DCC: variants seen among roughly 807,000 people sequenced by gnomAD.
DCC encodes netrin receptor DCC.
Under a neutral mutation model 172.5 loss-of-function variants are expected in DCC, and 58 were observed. That is an observed-to-expected ratio of 0.34 (90% confidence interval 0.27 to 0.42). The LOEUF (loss-of-function observed/expected upper bound fraction) is 0.42, where lower values mean the gene tolerates loss of function less well. DCC is among the 10% of genes least tolerant of loss of function. The probability of loss-of-function intolerance (pLI) is 1.00; values close to 1 mark genes in which losing one functional copy is unlikely to be tolerated. For missense variants in DCC, 1,740 were observed against 1,791.0 expected (o/e 0.97, Z 0.51); for synonymous variants, 709 against 644.5 (o/e 1.10, Z -1.52).
chr18:53,517,206 C>CCAAA (rs2046344647), intron 27 of DCC, among the ~76,000 whole-genome samples: 1 of 147,308 alleles, frequency 6.8e-6, no homozygotes, highest in Non-Finnish European at 1.5e-5. Context: ...GAACAAAAAA[C>CCAAA]CAAACACCGC....
intron 5 of DCC, among the ~76,000 whole-genome samples, chr18:53,012,660 T>C (rs953291506): frequency 2.7e-4 from 41 of 152,202 alleles, no homozygotes; most frequent in African/African-American, 9.4e-4. Flanking sequence ...ATTTATAGAT[T>C]TTGCCAAATG....
chr18:53,360,450 A>G (rs2057933696), intron 15 of DCC, among the ~76,000 whole-genome samples: 1 of 152,148 alleles, frequency 6.6e-6, no homozygotes, highest in Admixed American at 6.6e-5. Flanking sequence ...TTTTAATCAT[A>G]CTTAGAAATA....
At chr18:53,434,292 A>T (rs1911806083) in intron 21 of DCC, among the ~76,000 whole-genome samples, 1 of 152,188 alleles carries the variant, frequency 6.6e-6, no homozygotes, top group African/African-American at 2.4e-5. Context: ...TTGTTTGCAT[A>T]CAGATTCACC....
chr18:53,063,827 T>C (rs1357590918), intron 6 of DCC, among the ~76,000 whole-genome samples: 1 of 152,180 alleles, frequency 6.6e-6, no homozygotes, highest in Non-Finnish European at 1.5e-5. Flanking sequence ...TTCTTTGACT[T>C]TTACCCATTT....
At chr18:53,373,211 A>G (rs960750543) in intron 15 of DCC, among the ~76,000 whole-genome samples, 3 of 152,184 alleles carry the variant, frequency 2.0e-5, no homozygotes, top group African/African-American at 7.2e-5. Flanking sequence ...TCTGGGACCC[A>G]TAAGTCTTTT....
At chr18:52,977,901 GAAAAAA>G (rs2041148426) in intron 5 of DCC, among the ~76,000 whole-genome samples, 1 of 139,954 alleles carries the variant, frequency 7.1e-6, no homozygotes, top group African/African-American at 2.6e-5. Context: ...AAAAAGAAAA[GAAAAAA>G]GAAAAAGAAA....
At chr18:52,799,219 G>A (rs1484111086) in intron 2 of DCC, among the ~76,000 whole-genome samples, 1 of 152,150 alleles carries the variant, frequency 6.6e-6, no homozygotes, top group Non-Finnish European at 1.5e-5. Flanking sequence ...TACACATTCA[G>A]CGGAGCTAAC....
intron 21 of DCC, among the ~76,000 whole-genome samples, chr18:53,418,554 A>G (rs1910453967): frequency 6.6e-6 from 1 of 152,142 alleles, no homozygotes; most frequent in African/African-American, 2.4e-5. Flanking sequence ...CTGAGAGAAA[A>G]TTCCCTCAGA....
In DCC at chr18:53,391,746, T is replaced by C. The variant is rs894961381; in HGVS notation, c.2547T>C (p.Gly849=). The C allele has an allele frequency of 2.5e-6, 4 of 1,613,944 alleles. No homozygotes were observed. The highest frequency in any genetic ancestry group is 1.7e-5 in the Admixed American group (1 of 59,994). Residue 849 remains glycine (G), a synonymous_variant, in exon 17 of 29, where the codon GGT becomes GGC. Transcript: ENST00000442544. ...CCACCCCCATGCTCCCACCAGTAGGTGTACAGGCTGTGGCTCTTACCCATG... is the reference window on the plus strand; with the variant it reads ...CCACCCCCATGCTCCCACCAGTAGGCGTACAGGCTGTGGCTCTTACCCATG... ...DLSTPMLPPV[G]VQAVALTHDA...
chr18:53,389,322 A>G (rs1037413637), intron 16 of DCC, among the ~76,000 whole-genome samples: 1 of 152,244 alleles, frequency 6.6e-6, no homozygotes, highest in Non-Finnish European at 1.5e-5. Flanking sequence ...GTTAAATTCA[A>G]TTATTCAAAT....
At chr18:53,097,776 CTG>C (rs1191195270) in intron 7 of DCC, among the ~76,000 whole-genome samples, 1 of 152,150 alleles carries the variant, frequency 6.6e-6, no homozygotes, top group African/African-American at 2.4e-5. Flanking sequence ...CACCTTCTTA[CTG>C]TGTCTTCGCA....
At chr18:52,798,037 G>T (rs547904795) in intron 2 of DCC, among the ~76,000 whole-genome samples, 2 of 149,946 alleles carry the variant, frequency 1.3e-5, no homozygotes, top group African/African-American at 4.9e-5. Context: ...CAGATGCCAG[G>T]TTGCTTGCAC....
At chr18:53,299,955 C>A (rs1197630749) in intron 12 of DCC, among the ~76,000 whole-genome samples, 1 of 152,128 alleles carries the variant, frequency 6.6e-6, no homozygotes, top group Non-Finnish European at 1.5e-5. Flanking sequence ...GTGCTTAGAC[C>A]ATTGCCAGGT....
At chr18:52,937,990 A>G (rs191213520) in intron 5 of DCC, among the ~76,000 whole-genome samples, 12 of 152,262 alleles carry the variant, frequency 7.9e-5, no homozygotes, top group Admixed American at 7.9e-4. Flanking sequence ...GAAATAGTCC[A>G]TGTTCAAGGC....
chr18:53,115,937 G>A (rs12326559), intron 7 of DCC, among the ~76,000 whole-genome samples: 78,349 of 151,168 alleles, frequency 0.52, 20,918 homozygotes, highest in African/African-American at 0.6. Flanking sequence ...ATGGACCAGG[G>A]ACAAATCCTT....
chr18:53,301,518 T>C (rs2057141857), intron 12 of DCC, among the ~76,000 whole-genome samples: 1 of 152,200 alleles, frequency 6.6e-6, no homozygotes, highest in African/African-American at 2.4e-5. Flanking sequence ...ATGCACATTA[T>C]TTTTTAAGTT....
chr18:53,521,426 A>C (rs1206280058), intron 27 of DCC, among the ~76,000 whole-genome samples: 1 of 152,134 alleles, frequency 6.6e-6, no homozygotes, highest in African/African-American at 2.4e-5. Context: ...TCTGGGAAGA[A>C]AATACACCAT....
chr18:53,334,447 C>T (rs1285814415), intron 14 of DCC, among the ~76,000 whole-genome samples: 2 of 152,072 alleles, frequency 1.3e-5, no homozygotes, highest in Non-Finnish European at 1.5e-5. Flanking sequence ...ATTTACCATC[C>T]TAACAATCTT....
Position 53,179,036 on chromosome 18 carries a change from A to G in DCC, c.1493A>G (p.Tyr498Cys). The G allele has an allele frequency of 1.2e-6, 2 of 1,614,036 alleles. No homozygotes were observed. The highest frequency in any genetic ancestry group is 1.7e-6 in the Non-Finnish European group (2 of 1,179,928). ...TVGNLKPEAM[Y>C]TFRVVAYNEW... ...GGAAACCTGAAGCCAGAAGCCATGT[A>G]CACCTTTCGAGTTGTGGCTTACAAT... The change falls in exon 9 of 29, where the codon TAC (tyrosine) becomes TGC (cysteine). Residue 498 changes from tyrosine to cysteine, a missense_variant. Coordinates refer to ENST00000442544, the MANE Select transcript of DCC (RefSeq NM_005215.4).
Sources: allele counts gnomAD v4.1 joint callset (sites outside exome capture counted in the v4.1 genomes callset), GRCh38; gene constraint gnomAD v4.1.1; transcripts MANE v1.5; gene names NCBI Gene and HGNC (gene_info 2026-07-23, HGNC 2026-07-21).